Variants in FHIT observed in about 807,000 individuals in gnomAD.
FHIT encodes bis(5'-adenosyl)-triphosphatase.
Under a neutral mutation model 17.9 loss-of-function variants are expected in FHIT, and 19 were observed. The ratio of observed to expected loss-of-function variants is 1.06; its 90% CI spans 0.74 to 1.56. FHIT has a LOEUF of 1.56. Among genes scored for constraint, FHIT ranks in the 40% most tolerant of loss-of-function variants. The pLI is 0.00. For synonymous variants in FHIT, 81 were observed against 69.7 expected (o/e 1.16, Z -0.81); for missense variants, 248 against 189.2 (o/e 1.31, Z -1.82).
At chr3:60,148,581 G>A (rs911309633) in intron 5 of FHIT, among the ~76,000 whole-genome samples, 22 of 152,104 alleles carry the variant, frequency 1.4e-4, no homozygotes, top group Admixed American at 2.6e-4. Context: ...AGATTTACCA[G>A]ACTGCATACA....
intron 4 of FHIT, among the ~76,000 whole-genome samples, chr3:60,710,939 G>T (rs957734528): frequency 2.0e-5 from 3 of 152,224 alleles, no homozygotes; most frequent in African/African-American, 4.8e-5. Context: ...CCAGCATGCA[G>T]CTGGAGATCT....
At chr3:60,957,165 CAAAG>C (rs1212711657) in intron 3 of FHIT, among the ~76,000 whole-genome samples, 1 of 149,506 alleles carries the variant, frequency 6.7e-6, no homozygotes, top group Admixed American at 6.6e-5. Flanking sequence ...CATTAAAAAA[CAAAG>C]AAATCACACA....
intron 5 of FHIT, among the ~76,000 whole-genome samples, chr3:60,109,526 G>A (rs1030225907): frequency 1.3e-5 from 2 of 152,086 alleles, no homozygotes; most frequent in African/African-American, 4.8e-5. Context: ...CAACCCTTAG[G>A]GTTTATGTTC....
intron 5 of FHIT, among the ~76,000 whole-genome samples, chr3:60,417,074 G>C (rs1314144780): frequency 6.7e-6 from 1 of 150,118 alleles, no homozygotes; most frequent in Admixed American, 6.6e-5. Flanking sequence ...GGTCGACAGA[G>C]GGAGACTCCA....
intron 2 of FHIT, among the ~76,000 whole-genome samples, chr3:61,191,276 C>A (rs1332590739): frequency 6.6e-6 from 1 of 151,984 alleles, no homozygotes; most frequent in East Asian, 1.9e-4. Flanking sequence ...GTTTGTTGAA[C>A]AGAAGAAAAG....
At chr3:60,168,875 T>TG (rs11438335) in intron 5 of FHIT, among the ~76,000 whole-genome samples, 71,923 of 151,962 alleles carry the variant, frequency 0.47, 18,321 homozygotes, top group Non-Finnish European at 0.58. Context: ...TGGTGAATCC[T>TG]TTTAAAGTTC....
intron 3 of FHIT, among the ~76,000 whole-genome samples, chr3:60,904,711 G>A (rs969014659): frequency 3.3e-5 from 5 of 152,018 alleles, no homozygotes; most frequent in Non-Finnish European, 7.4e-5. Context: ...GGAGGCTGAG[G>A]TGGGTGGATC....
chr3:60,940,782 A>T (rs1438620910), intron 3 of FHIT, among the ~76,000 whole-genome samples: 1 of 152,228 alleles, frequency 6.6e-6, no homozygotes, highest in Non-Finnish European at 1.5e-5. Context: ...GCAGTGCTTC[A>T]CAAACTATTT....
chr3:60,444,425 C>T (rs533379689), intron 5 of FHIT, among the ~76,000 whole-genome samples: 1 of 152,196 alleles, frequency 6.6e-6, no homozygotes, highest in East Asian at 1.9e-4. Context: ...CTCACAATAG[C>T]AAAGACTTGG....
chr3:60,438,044 T>C (rs1330746157), intron 5 of FHIT, among the ~76,000 whole-genome samples: 1 of 152,102 alleles, frequency 6.6e-6, no homozygotes, highest in Non-Finnish European at 1.5e-5. Context: ...TATAATTACA[T>C]GAGGCAGGAT....
At chr3:60,109,147 G>C (rs993691209) in intron 5 of FHIT, among the ~76,000 whole-genome samples, 8 of 152,140 alleles carry the variant, frequency 5.3e-5, no homozygotes, top group African/African-American at 1.9e-4. Flanking sequence ...GGCAGGGAGA[G>C]AGAGAGATTA....
chr3:60,079,137 C>G (rs186378508), intron 5 of FHIT, among the ~76,000 whole-genome samples: 4 of 152,176 alleles, frequency 2.6e-5, no homozygotes, highest in African/African-American at 4.8e-5. Context: ...GCCCCTGAAG[C>G]ACACAGTAAG....
At chr3:60,900,324 C>A (rs1553762891) in intron 3 of FHIT, among the ~76,000 whole-genome samples, 1 of 151,956 alleles carries the variant, frequency 6.6e-6, no homozygotes, top group East Asian at 1.9e-4. Flanking sequence ...ACATGGGAGG[C>A]TGAGATAGGA....
chr3:60,864,254 AC>A (rs1553753352), intron 3 of FHIT, among the ~76,000 whole-genome samples: 1 of 152,156 alleles, frequency 6.6e-6, no homozygotes, highest in Non-Finnish European at 1.5e-5. Flanking sequence ...GGGTGGGGAC[AC>A]AGCCAAACCA....
At chr3:61,099,507 A>T (rs1390159280) in intron 2 of FHIT, among the ~76,000 whole-genome samples, 1 of 152,100 alleles carries the variant, frequency 6.6e-6, no homozygotes. Flanking sequence ...TCTTCTCTGT[A>T]CATCTGGTAA....
At chr3:60,921,487 A>C (rs559899432) in intron 3 of FHIT, among the ~76,000 whole-genome samples, 1 of 152,346 alleles carries the variant, frequency 6.6e-6, no homozygotes, top group East Asian at 1.9e-4. Flanking sequence ...TTCTCTGCTG[A>C]GAATAGACAG....
At chr3:60,224,092 T>A (rs2107539033) in intron 5 of FHIT, among the ~76,000 whole-genome samples, 1 of 152,248 alleles carries the variant, frequency 6.6e-6, no homozygotes, top group East Asian at 1.9e-4. Context: ...TGAGTTCCTA[T>A]CAGTCTCCAC....
At chr3:60,140,940 G>A (rs898370979) in intron 5 of FHIT, among the ~76,000 whole-genome samples, 2 of 152,052 alleles carry the variant, frequency 1.3e-5, no homozygotes, top group Non-Finnish European at 2.9e-5. Flanking sequence ...AGCTGTCATC[G>A]GTCAGTAAAT....
At chr3:59,882,854 A>C (rs987367359) in intron 8 of FHIT, among the ~76,000 whole-genome samples, 10 of 152,218 alleles carry the variant, frequency 6.6e-5, no homozygotes, top group Non-Finnish European at 1.5e-4. Context: ...ACATAAGCCT[A>C]AAGCTGATCT....
Sources: allele counts gnomAD v4.1 joint callset (sites outside exome capture counted in the v4.1 genomes callset), GRCh38; gene constraint gnomAD v4.1.1; transcripts MANE v1.5; gene names NCBI Gene and HGNC (gene_info 2026-07-23, HGNC 2026-07-21).